The following HIVEP3 variants were observed in gnomAD, a reference collection of about 807,000 sequenced individuals.
HIVEP3 encodes the protein HIVEP zinc finger 3, also known as transcription factor HIVEP3.
In HIVEP3, 49 loss-of-function variants were observed where a neutral mutation model predicts 152.8. The observed-to-expected ratio is 0.32, with a 90% CI of 0.26 to 0.41. The LOEUF (loss-of-function observed/expected upper bound fraction) is 0.41, where lower values mean the gene tolerates loss of function less well. Among genes scored for constraint, HIVEP3 ranks in the 10% least tolerant of loss-of-function variants. The probability of loss-of-function intolerance (pLI) is 1.00; values close to 1 mark genes in which losing one functional copy is unlikely to be tolerated. For missense variants in HIVEP3, 2,790 were observed against 3,103.3 expected (o/e 0.90, Z 2.40); for synonymous variants, 1,269 against 1,289.0 (o/e 0.98, Z 0.33).
intron 5 of HIVEP3, 58 bp downstream of exon 5, chr1:41,575,486 A>T (rs1394774386): frequency 6.3e-7 from 1 of 1,583,524 alleles, no homozygotes; most frequent in Admixed American, 1.7e-5. Flanking sequence ...GTGAACACCA[A>T]TGGGCACCAG....
intron 6 of HIVEP3, among the ~76,000 whole-genome samples, chr1:41,519,938 G>A (rs1276247242): frequency 6.6e-6 from 1 of 152,154 alleles, no homozygotes; most frequent in African/African-American, 2.4e-5. Flanking sequence ...AAGAATGGAA[G>A]AATGGCTGGT....
intron 1 of HIVEP3, among the ~76,000 whole-genome samples, chr1:42,024,727 T>A (rs1235230033): frequency 1.3e-5 from 2 of 152,230 alleles, no homozygotes; most frequent in Non-Finnish European, 2.9e-5. Flanking sequence ...GCTTTTTCCA[T>A]CTGCAATTGC....
chr1:41,937,310 G>A (rs1467172539), intron 1 of HIVEP3, among the ~76,000 whole-genome samples: 1 of 152,100 alleles, frequency 6.6e-6, no homozygotes, highest in Admixed American at 6.5e-5. Flanking sequence ...AAACTGCTGG[G>A]CACAACACTT....
intron 1 of HIVEP3, among the ~76,000 whole-genome samples, chr1:41,996,070 A>G (rs990589320): frequency 7.9e-5 from 12 of 152,124 alleles, no homozygotes; most frequent in Admixed American, 6.6e-5. Context: ...TCTCTGTGCC[A>G]CTATGTCTGT....
chr1:41,849,069 G>A (rs1479907025), intron 1 of HIVEP3: 1 of 152,332 alleles, frequency 6.6e-6, no homozygotes, highest in African/African-American at 2.4e-5. Flanking sequence ...GGCAACACAG[G>A]AACAAATCCG....
chr1:42,006,589 T>C (rs1645460833), intron 1 of HIVEP3, among the ~76,000 whole-genome samples: 2 of 141,622 alleles, frequency 1.4e-5, no homozygotes, highest in Non-Finnish European at 3.1e-5. Context: ...AAAAAAACTG[T>C]GAAAAGAGTG....
chr1:41,767,461 C>T (rs1354467396), intron 1 of HIVEP3, among the ~76,000 whole-genome samples: 1 of 152,174 alleles, frequency 6.6e-6, no homozygotes, highest in African/African-American at 2.4e-5. Flanking sequence ...GCAGCTGAGG[C>T]TTCCCAGAGG....
intron 1 of HIVEP3, among the ~76,000 whole-genome samples, chr1:41,751,804 A>C (rs866179561): frequency 1.3e-5 from 2 of 152,250 alleles, no homozygotes; most frequent in Middle Eastern, 6.8e-3. Flanking sequence ...ACAAGTGACC[A>C]AAGTGAATCC....
At chr1:41,772,092 T>C (rs1648410831) in intron 1 of HIVEP3, among the ~76,000 whole-genome samples, 1 of 152,188 alleles carries the variant, frequency 6.6e-6, no homozygotes, top group South Asian at 2.1e-4. Flanking sequence ...AAGTAGGCCA[T>C]GCTTGACCTC....
At chr1:41,909,164 C>T (rs553704702) in intron 1 of HIVEP3, among the ~76,000 whole-genome samples, 1 of 152,174 alleles carries the variant, frequency 6.6e-6, no homozygotes, top group African/African-American at 2.4e-5. Context: ...ACCTAGAATT[C>T]TACCCTAATT....
At chr1:41,793,065 C>T (rs1436670757) in intron 1 of HIVEP3, among the ~76,000 whole-genome samples, 1 of 152,154 alleles carries the variant, frequency 6.6e-6, no homozygotes, top group Non-Finnish European at 1.5e-5. Context: ...TAGCATCAGC[C>T]CACACAGGAG....
Position 41,963,005 on chromosome 1 carries a change from G to GT in HIVEP3, n.120-44482dup, listed in dbSNP as rs375003247. ...CCTGCAGATATCAAAACCAAAAGTT[G>GT]TTTTTTTTTGTTTTTTGTTTTTTTG... On this transcript the variant is annotated intron_variant and non_coding_transcript_variant, in intron 1 of 3. Transcript: ENST00000489103. Among the ~76,000 whole-genome samples, 273 of 150,944 alleles carry GT rather than the reference G, an allele frequency of 1.8e-3. 1 individual carries two copies. Among genetic ancestry groups the GT allele is most frequent in the African/African-American group, 5.1e-3 (209 of 41,170 alleles).
At chr1:41,720,271 T>A (rs776787960) in intron 1 of HIVEP3, among the ~76,000 whole-genome samples, 1 of 152,186 alleles carries the variant, frequency 6.6e-6, no homozygotes, top group African/African-American at 2.4e-5. Flanking sequence ...GGCCCCAGAC[T>A]GCAACTCTTG....
intron 1 of HIVEP3, among the ~76,000 whole-genome samples, chr1:41,751,264 G>A (rs374418706): frequency 3.4e-5 from 5 of 148,458 alleles, no homozygotes; most frequent in African/African-American, 1.2e-4. Context: ...TAACTGGCAG[G>A]CTTTATTTCC....
chr1:41,555,301 C>T (rs1643948274), intron 5 of HIVEP3, among the ~76,000 whole-genome samples: 1 of 152,240 alleles, frequency 6.6e-6, no homozygotes, highest in South Asian at 2.1e-4. Flanking sequence ...ACCTGCTGAG[C>T]CAGGCGCAGA....
At chr1:41,949,111 A>G (rs192654170) in intron 1 of HIVEP3, among the ~76,000 whole-genome samples, 1 of 152,326 alleles carries the variant, frequency 6.6e-6, no homozygotes, top group East Asian at 1.9e-4. Flanking sequence ...ACCCACAGGA[A>G]TATTTTTTGT....
At chr1:41,777,847 G>A (rs1052781331) in intron 1 of HIVEP3, among the ~76,000 whole-genome samples, 1 of 152,236 alleles carries the variant, frequency 6.6e-6, no homozygotes, top group Non-Finnish European at 1.5e-5. Context: ...TGGGAAGAGC[G>A]CAGATGTTGC....
intron 1 of HIVEP3, among the ~76,000 whole-genome samples, chr1:41,784,030 T>C (rs535468086): frequency 6.6e-6 from 1 of 151,290 alleles, no homozygotes; most frequent in African/African-American, 2.4e-5. Flanking sequence ...CTGCAGGGAG[T>C]AGGTAGGGAA....
chr1:41,669,966 T>C (rs1645849561), intron 2 of HIVEP3, among the ~76,000 whole-genome samples: 1 of 152,186 alleles, frequency 6.6e-6, no homozygotes, highest in African/African-American at 2.4e-5. Flanking sequence ...ATATTCCTTT[T>C]TGGGGTCTCA....
Sources: allele counts gnomAD v4.1 joint callset (sites outside exome capture counted in the v4.1 genomes callset), GRCh38; gene constraint gnomAD v4.1.1; transcripts MANE v1.5; gene names NCBI Gene and HGNC (gene_info 2026-07-23, HGNC 2026-07-21).